NOSTRIN: variants seen among roughly 807,000 people sequenced by gnomAD.
The protein encoded by NOSTRIN is BM247 homolog.
Under a neutral mutation model 59.0 loss-of-function variants are expected in NOSTRIN, and 63 were observed. The ratio of observed to expected loss-of-function variants is 1.07; its 90% confidence interval spans 0.87 to 1.32. The LOEUF (loss-of-function observed/expected upper bound fraction) is 1.32, where lower values mean the gene tolerates loss of function less well. Ranked by LOEUF, NOSTRIN falls within the 40% of genes most tolerant of loss-of-function variation. NOSTRIN has a pLI of 0.00. For missense variants in NOSTRIN, 512 were observed against 473.1 expected (o/e 1.08, Z -0.76); for synonymous variants, 200 against 165.4 (o/e 1.21, Z -1.61).
intron 8 of NOSTRIN, among the ~76,000 whole-genome samples, chr2:168,849,670 CAAAA>C (rs10650489): frequency 3.4e-5 from 4 of 118,698 alleles, no homozygotes; most frequent in African/African-American, 1.3e-4. Context: ...CTTGTTTTTA[CAAAA>C]AAAAAAAAAA....
At chr2:168,855,879 T>C (rs1689070290) in intron 11 of NOSTRIN, 1 of 452,992 alleles carries the variant, frequency 2.2e-6, no homozygotes, top group African/African-American at 2.0e-5. Flanking sequence ...TTAAATTCTG[T>C]ACGTAGAAGT....
chr2:168,846,692 G>A (rs1281750203), intron 8 of NOSTRIN, among the ~76,000 whole-genome samples: 1 of 152,176 alleles, frequency 6.6e-6, no homozygotes, highest in African/African-American at 2.4e-5. Flanking sequence ...GCTTGGTACT[G>A]AAGTACTTAC....
rs1687308867 is a variant in NOSTRIN, at chr2:168,830,637, A to G, written c.343-835A>G. Among the ~76,000 whole-genome samples the G allele has an allele frequency of 2.0e-5, 3 of 152,324 alleles. No homozygotes were observed. The South Asian group carries it at 6.2e-4, about 32-fold the overall frequency. On this transcript the variant is annotated intron_variant, in intron 5 of 15. Transcript: ENST00000317647. Reference sequence around the variant, plus strand: ...CAGATCTCCCTGGGAAGTTGTCTAGATCATTTTCATCATTATTATTACTGT... The same window carrying G: ...CAGATCTCCCTGGGAAGTTGTCTAGGTCATTTTCATCATTATTATTACTGT...
chr2:168,859,163 C>T (rs1689290013), intron 12 of NOSTRIN: 1 of 186,986 alleles, frequency 5.3e-6, no homozygotes, highest in Non-Finnish European at 1.1e-5. Context: ...TCTTCGCAGA[C>T]CACCAAAAAT....
In NOSTRIN at chr2:168,834,507, G is replaced by GCA. The variant is rs1553527194; in HGVS notation, c.504+216_504+217dup. 6.5e-3 allele frequency among the ~76,000 whole-genome samples: 812 copies of GCA among 125,398 alleles called. 6 individuals carry two copies. Among genetic ancestry groups the GCA allele is most frequent in the Middle Eastern group, 0.013 (3 of 240 alleles). 82.3% of individuals were successfully genotyped at this position (125,398 alleles called of 152,430 possible). A position where few individuals can be genotyped will look rare whatever the true frequency, so the allele number is the denominator to read the frequency against. ...TACTGGCGTGCGCGCGCGCGCGCGC[G>GCA]CACACACACACACACACACACACAC... On this transcript the variant is annotated intron_variant, in intron 7 of 15. Coordinates refer to ENST00000317647, the MANE Select transcript of NOSTRIN (RefSeq NM_001039724.4).
chr2:168,860,871 C>G lies in NOSTRIN; in HGVS notation c.1256C>G (p.Ser419Cys). 2 of 1,614,054 alleles carry G rather than the reference C, an allele frequency of 1.2e-6. No homozygotes were observed. Among genetic ancestry groups the G allele is most frequent in the South Asian group, 2.2e-5 (2 of 91,082 alleles). Residue 419 changes from serine (S) to cysteine (C), a missense_variant, in exon 14 of 16, where the codon TCT becomes TGT. Transcript: ENST00000317647. ...TTAGAGAATATTGTGAGCAAGGCATCTTCTGGTGGGCAGAGCAATCCAGGT... is the reference window on the plus strand; with the variant it reads ...TTAGAGAATATTGTGAGCAAGGCATGTTCTGGTGGGCAGAGCAATCCAGGT... ...KRLENIVSKA[S>C]SGGQSNPGSS...
intron 14 of NOSTRIN, 46 bp downstream of exon 14, chr2:168,860,955 G>C: frequency 8.3e-7 from 1 of 1,203,834 alleles, no homozygotes; most frequent in Non-Finnish European, 1.2e-6. Context: ...CTACTGGCAG[G>C]GCACATTGCT....
intron 8 of NOSTRIN, among the ~76,000 whole-genome samples, chr2:168,849,529 T>A (rs1372458266): frequency 6.6e-6 from 1 of 151,992 alleles, no homozygotes; most frequent in Non-Finnish European, 1.5e-5. Flanking sequence ...CTAATTTTTG[T>A]ATTTTTAGTA....
rs78116661 is a variant in NOSTRIN, at chr2:168,860,008, T to G, written c.1179+371T>G. On this transcript the variant is annotated intron_variant, in intron 13 of 15. Coordinates refer to ENST00000317647, the MANE Select transcript of NOSTRIN (RefSeq NM_001039724.4). ...TGTGGTATGTATTAGTCTCATCTGTTTAAGATGGTGCCTAATGCAGATAAT... is the reference window on the plus strand; with the variant it reads ...TGTGGTATGTATTAGTCTCATCTGTGTAAGATGGTGCCTAATGCAGATAAT... Among the ~76,000 whole-genome samples the G allele has an allele frequency of 9.9e-3, 1,502 of 152,294 alleles. 23 individuals carry two copies. The highest frequency in any genetic ancestry group is 0.034 in the African/African-American group (1,430 of 41,560).
chr2:168,793,007 A>G (rs1049680471), intron 2 of NOSTRIN, among the ~76,000 whole-genome samples: 1 of 152,184 alleles, frequency 6.6e-6, no homozygotes, highest in Admixed American at 6.5e-5. Flanking sequence ...TCCAAAGCCT[A>G]TATCATTAAC....
upstream of NOSTRIN, among the ~76,000 whole-genome samples, chr2:168,799,566 A>G (rs1242493193): frequency 6.6e-6 from 1 of 152,072 alleles, no homozygotes; most frequent in African/African-American, 2.4e-5. Context: ...CCTCCTCACA[A>G]CCCATATCCA....
chr2:168,845,128 G>A (rs471087), intron 8 of NOSTRIN, among the ~76,000 whole-genome samples: 1 of 151,942 alleles, frequency 6.6e-6, no homozygotes, highest in Non-Finnish European at 1.5e-5. Context: ...CATAAGCTCC[G>A]GGTACTCTCT....
At chr2:168,863,427 A>G in intron 15 of NOSTRIN, 1 of 985,140 alleles carries the variant, frequency 1.0e-6, no homozygotes, top group Non-Finnish European at 1.2e-6. Flanking sequence ...AAATCACCTC[A>G]GAATGATGCC....
rs763852206 is a variant in NOSTRIN, at chr2:168,831,453, C to G, written c.343-19C>G. ...CAAGAAGAAAGCAAAGCTTTGTTTC[C>G]TTTTTCCTTTTTCAATAGCTTGACA... On this transcript the variant is annotated intron_variant, in intron 5 of 15. Coordinates refer to ENST00000317647, the MANE Select transcript of NOSTRIN (RefSeq NM_001039724.4). 1.2e-6 allele frequency: 1 copy of G among 860,718 alleles called. No homozygotes were observed. The highest frequency in any genetic ancestry group is 2.4e-5 in the East Asian group (1 of 41,510). 53.3% of individuals were successfully genotyped at this position (860,718 alleles called of 1,614,324 possible). A position where few individuals can be genotyped will look rare whatever the true frequency, so the allele number is the denominator to read the frequency against.
At chr2:168,851,463 C>T in intron 10 of NOSTRIN, 59 bp downstream of exon 10, 1 of 1,530,810 alleles carries the variant, frequency 6.5e-7, no homozygotes, top group South Asian at 1.3e-5. Context: ...TACTGAGGGA[C>T]TTACATTGAA....
In NOSTRIN at chr2:168,862,212, T is replaced by TAATA. The variant is rs536564261; in HGVS notation, c.1384+164_1384+167dup. 1.5e-4 allele frequency among the ~76,000 whole-genome samples: 23 copies of TAATA among 152,372 alleles called. No individual in the cohort carries two copies. In the South Asian group the frequency reaches 4.3e-3, roughly 29 times the overall value. On this transcript the variant is annotated intron_variant, in intron 15 of 15. Transcript: ENST00000317647. Reference sequence around the variant, plus strand: ...TCTAAAACAAAAGCTCGCATAATGATAATAGCTAACGCTTATTCTGTTTAC... The same window carrying TAATA: ...TCTAAAACAAAAGCTCGCATAATGATAATAAATAGCTAACGCTTATTCTGTTTAC...
intron 2 of NOSTRIN, 29 bp downstream of exon 2, chr2:168,811,681 T>A (rs1390493631): frequency 1.2e-6 from 1 of 806,948 alleles, no homozygotes. Flanking sequence ...CAATAAATGG[T>A]TCTTCCTCTT....
chr2:168,834,507 G>GCGCGCGCGCGCGCGCACACACACACA (rs756381301), intron 7 of NOSTRIN, among the ~76,000 whole-genome samples, 182 bp downstream of exon 7: 1 of 125,342 alleles, frequency 8.0e-6, no homozygotes, highest in Non-Finnish European at 1.7e-5. Flanking sequence ...GCGCGCGCGC[G>GCGCGCGCGCGCGCGCACACACACACA]CACACACACA....
At chr2:168,826,843 T>G (rs1174236878) in intron 3 of NOSTRIN, among the ~76,000 whole-genome samples, 1 of 152,232 alleles carries the variant, frequency 6.6e-6, no homozygotes, top group Non-Finnish European at 1.5e-5. Context: ...CATAGACATT[T>G]TCATCATGCC....
Sources: gnomAD v4.1 joint callset for allele counts (sites outside exome capture counted in the v4.1 genomes callset) on GRCh38, gnomAD v4.1.1 for gene constraint, MANE v1.5 for transcripts, NCBI Gene and HGNC (gene_info 2026-07-23, HGNC 2026-07-21) for gene names.